Variants in RUNDC3B observed in about 807,000 individuals in gnomAD.
RUNDC3B encodes the protein RUN domain containing 3B, also known as RUN domain-containing protein 3B.
In RUNDC3B, 33 loss-of-function variants were observed where a neutral mutation model predicts 58.4. That is an observed-to-expected ratio of 0.56 (90% confidence interval 0.43 to 0.75). RUNDC3B has a LOEUF of 0.75. RUNDC3B is among the 30% of genes least tolerant of loss of function. RUNDC3B has a pLI of 0.00. For synonymous variants in RUNDC3B, 193 were observed against 195.2 expected (o/e 0.99, Z 0.10); for missense variants, 501 against 535.7 (o/e 0.94, Z 0.64).
intron 2 of RUNDC3B, among the ~76,000 whole-genome samples, chr7:87,693,538 T>C (rs1266517405): frequency 6.6e-6 from 1 of 152,174 alleles, no homozygotes; most frequent in African/African-American, 2.4e-5. Flanking sequence ...AGTTCTGAGG[T>C]GCATCGCCAG....
At chr7:87,633,917 T>C (rs1821476943) in intron 1 of RUNDC3B, among the ~76,000 whole-genome samples, 3 of 152,188 alleles carry the variant, frequency 2.0e-5, no homozygotes. Flanking sequence ...AAGAGGTTTA[T>C]TTAGCTAACA....
chr7:87,707,182 A>G (rs1000452708), intron 3 of RUNDC3B, among the ~76,000 whole-genome samples: 6 of 152,186 alleles, frequency 3.9e-5, no homozygotes, highest in African/African-American at 1.4e-4. Context: ...AATGTCTAGT[A>G]TACAGTAAAA....
intron 4 of RUNDC3B, among the ~76,000 whole-genome samples, chr7:87,716,482 C>T (rs1830561777): frequency 6.6e-6 from 1 of 152,148 alleles, no homozygotes; most frequent in South Asian, 2.1e-4. Context: ...TCCATTGCAC[C>T]ATATCATTTT....
chr7:87,789,092 A>G (rs1310829754), intron 8 of RUNDC3B, among the ~76,000 whole-genome samples: 1 of 152,208 alleles, frequency 6.6e-6, no homozygotes. Context: ...TAGATGATCT[A>G]TTGTACAAAT....
chr7:87,648,001 G>A (rs904172331), intron 1 of RUNDC3B, among the ~76,000 whole-genome samples: 1 of 151,916 alleles, frequency 6.6e-6, no homozygotes, highest in African/African-American at 2.4e-5. Context: ...TGGCTAACAT[G>A]GTGAAACCCC....
chr7:87,718,119 T>C (rs1583992430), intron 4 of RUNDC3B, among the ~76,000 whole-genome samples: 1 of 152,166 alleles, frequency 6.6e-6, no homozygotes, highest in Non-Finnish European at 1.5e-5. Context: ...TATCATATAT[T>C]ACAGTAAAAG....
intron 4 of RUNDC3B, among the ~76,000 whole-genome samples, chr7:87,734,427 A>G (rs1417749124): frequency 6.6e-6 from 1 of 152,194 alleles, no homozygotes; most frequent in Non-Finnish European, 1.5e-5. Context: ...AAGACCAGGT[A>G]GCATATGATT....
intron 3 of RUNDC3B, chr7:87,709,196 A>C: frequency 2.1e-6 from 2 of 968,718 alleles, no homozygotes; most frequent in Non-Finnish European, 2.5e-6. Context: ...AAATTAATAA[A>C]TCAGGAAGCA....
At chr7:87,829,839 T>C (rs182619338) in intron 10 of RUNDC3B, 46 bp from the exon 11 acceptor site, 1 of 1,384,436 alleles carries the variant, frequency 7.2e-7, no homozygotes, top group Non-Finnish European at 1.0e-6. Context: ...ATTTGTATCA[T>C]TCTTGAAGGG....
At chr7:87,804,775 T>G (rs1044256947) in intron 8 of RUNDC3B, among the ~76,000 whole-genome samples, 3 of 152,198 alleles carry the variant, frequency 2.0e-5, no homozygotes, top group Non-Finnish European at 4.4e-5. Flanking sequence ...TAAAGTCAAA[T>G]GTCACATATT....
chr7:87,770,774 C>T, intron 7 of RUNDC3B, 25 bp downstream of exon 7: 2 of 1,540,298 alleles, frequency 1.3e-6, no homozygotes, highest in Non-Finnish European at 1.8e-6. Flanking sequence ...TCAAAACGTA[C>T]TTAATTTTAT....
At chr7:87,718,558 A>G (rs569581057) in intron 4 of RUNDC3B, among the ~76,000 whole-genome samples, 26 of 152,264 alleles carry the variant, frequency 1.7e-4, no homozygotes, top group Non-Finnish European at 3.4e-4. Flanking sequence ...CAGGTCTGCT[A>G]TATGTTAACT....
chr7:87,828,246 G>A (rs1340309089), intron 10 of RUNDC3B, among the ~76,000 whole-genome samples: 1 of 152,012 alleles, frequency 6.6e-6, no homozygotes, highest in African/African-American at 2.4e-5. Context: ...TAGATTCAAA[G>A]GGGTGTATTT....
intron 9 of RUNDC3B, among the ~76,000 whole-genome samples, chr7:87,810,237 T>C (rs1293536170): frequency 1.3e-5 from 2 of 152,208 alleles, no homozygotes; most frequent in Non-Finnish European, 1.5e-5. Flanking sequence ...TCAGGCAACG[T>C]TCAGAACCAG....
intron 6 of RUNDC3B, among the ~76,000 whole-genome samples, chr7:87,749,907 T>C (rs149191560): frequency 0.03 from 4,520 of 152,120 alleles, 64 homozygotes; most frequent in Middle Eastern, 0.048. Flanking sequence ...CTTTAAGTTT[T>C]AGGGTACATG....
intron 10 of RUNDC3B, among the ~76,000 whole-genome samples, chr7:87,822,255 G>C (rs940582151): frequency 1.0e-3 from 152 of 152,264 alleles, no homozygotes; most frequent in African/African-American, 3.6e-3. Context: ...CTCAAAAGAA[G>C]ACATTTATGC....
chr7:87,637,821 T>G, intron 1 of RUNDC3B, among the ~76,000 whole-genome samples: 1 of 151,448 alleles, frequency 6.6e-6, no homozygotes, highest in East Asian at 1.9e-4. Context: ...GCAGTTAAAA[T>G]TTTTTTTTCT....
chr7:87,814,509 A>G (rs1836919783), intron 9 of RUNDC3B, among the ~76,000 whole-genome samples: 1 of 152,206 alleles, frequency 6.6e-6, no homozygotes, highest in African/African-American at 2.4e-5. Flanking sequence ...ACAGGTTTAA[A>G]TCTAATCTCT....
intron 6 of RUNDC3B, among the ~76,000 whole-genome samples, chr7:87,756,656 T>C (rs1320939488): frequency 6.6e-6 from 1 of 152,098 alleles, no homozygotes; most frequent in Non-Finnish European, 1.5e-5. Context: ...AATAATTATT[T>C]TCTATATACC....
Sources: gnomAD v4.1 joint callset for allele counts (sites outside exome capture counted in the v4.1 genomes callset) on GRCh38, gnomAD v4.1.1 for gene constraint, MANE v1.5 for transcripts, NCBI Gene and HGNC (gene_info 2026-07-23, HGNC 2026-07-21) for gene names.